The following COMMD7 variants were observed in gnomAD, a reference collection of about 807,000 sequenced individuals.
COMMD7 encodes the protein COMM domain containing 7.
In COMMD7, 28 loss-of-function variants were observed where a neutral mutation model predicts 34.8. That is an observed-to-expected ratio of 0.80 (90% CI 0.60 to 1.10). The LOEUF is 1.10. Ranked by LOEUF, COMMD7 falls within the 50% of genes least tolerant of loss-of-function variation. The pLI, the probability that COMMD7 is intolerant of heterozygous loss-of-function variation, is 0.00. For synonymous variants in COMMD7, 80 were observed against 86.4 expected (o/e 0.93, Z 0.41); for missense variants, 211 against 241.6 (o/e 0.87, Z 0.84).
At chr20:32,729,969 T>G (rs1985746042) in intron 1 of COMMD7, among the ~76,000 whole-genome samples, 1 of 152,052 alleles carries the variant, frequency 6.6e-6, no homozygotes, top group Non-Finnish European at 1.5e-5. Context: ...GCTGTGATCA[T>G]GCCACTGTAC....
intron 3 of COMMD7, among the ~76,000 whole-genome samples, chr20:32,711,134 C>T (rs932255192): frequency 1.4e-4 from 22 of 151,966 alleles, no homozygotes; most frequent in African/African-American, 3.9e-4. Flanking sequence ...TGGTGGCTCA[C>T]GCCCATAATC....
intron 1 of COMMD7, among the ~76,000 whole-genome samples, chr20:32,735,988 T>G (rs1352380591): frequency 6.6e-6 from 1 of 152,326 alleles, no homozygotes; most frequent in East Asian, 1.9e-4. Context: ...CCACATTGCC[T>G]GGGACTGGCC....
chr20:32,705,348 ATG>A (rs1244224259), intron 5 of COMMD7, among the ~76,000 whole-genome samples: 1,504 of 143,594 alleles, frequency 0.01, 26 homozygotes, highest in African/African-American at 0.038. Flanking sequence ...GTATATATAT[ATG>A]TGTGTGTGTA....
intron 1 of COMMD7, among the ~76,000 whole-genome samples, chr20:32,734,097 T>C (rs1601004121): frequency 6.7e-6 from 1 of 148,356 alleles, no homozygotes; most frequent in Non-Finnish European, 1.5e-5. Context: ...AGGAGAATGG[T>C]GTGAACCTGG....
At chr20:32,726,343 G>A (rs1686905940) in intron 3 of COMMD7, among the ~76,000 whole-genome samples, 1 of 152,110 alleles carries the variant, frequency 6.6e-6, no homozygotes, top group African/African-American at 2.4e-5. Context: ...GTTGCAGTGA[G>A]CCAAGATTCT....
chr20:32,727,820 T>G (rs1985602681), intron 3 of COMMD7, 73 bp downstream of exon 3: 1 of 1,265,728 alleles, frequency 7.9e-7, no homozygotes, highest in Non-Finnish European at 1.2e-6. Context: ...GGAGCATGCT[T>G]CAATGACTCC....
Position 32,703,274 on chromosome 20 carries a change from G to T in COMMD7, c.*108C>A. ...ACCTGGGCCCCATGGAGCCAGCAGG[G>T]CCCCATGGAGCATCCCACAGGCCTG... On this transcript the variant is annotated 3_prime_UTR_variant, in exon 9 of 9. Transcript: ENST00000278980. 1 of 966,850 alleles carries T rather than the reference G, an allele frequency of 1.0e-6. No homozygotes were observed. Among genetic ancestry groups the T allele is most frequent in the Non-Finnish European group, 1.6e-6 (1 of 638,548 alleles). The allele number at this position is 966,850 out of a possible 1,614,324, so 59.9% of individuals were successfully genotyped here.
chr20:32,739,414 G>C (rs6141797), intron 1 of COMMD7, among the ~76,000 whole-genome samples: 1 of 152,128 alleles, frequency 6.6e-6, no homozygotes, highest in Non-Finnish European at 1.5e-5. Context: ...GGGAGGCTGA[G>C]GCGGGCGGAT....
Position 32,743,456 on chromosome 20 carries a change from G to GCCGCTGCCA in COMMD7, c.-74_-66dup, listed in dbSNP as rs879748461. 17 of 1,166,328 alleles carry GCCGCTGCCA rather than the reference G, an allele frequency of 1.5e-5. No individual in the cohort carries two copies. The highest frequency in any genetic ancestry group is 1.6e-5 in the Non-Finnish European group (15 of 910,914). 72.2% of individuals were successfully genotyped at this position (1,166,328 alleles called of 1,614,324 possible). ...GCCCTGCTCAGCTTCCTCCTCCGCT[G>GCCGCTGCCA]CCGCTGCCACCGCTGCCGGCCTCTC... On this transcript the variant is annotated 5_prime_UTR_variant, in exon 1 of 9. Coordinates refer to ENST00000278980, the MANE Select transcript of COMMD7 (RefSeq NM_053041.3).
Position 32,719,938 on chromosome 20 carries a change from C to G in COMMD7, c.241+7955G>C, listed in dbSNP as rs555223826. Among the ~76,000 whole-genome samples, 23 of 152,052 alleles carry G rather than the reference C, an allele frequency of 1.5e-4. No homozygotes were observed. In the South Asian group the frequency reaches 4.4e-3, roughly 29 times the overall value. ...AGCAAGACCCTGGCTCAACAAAAGC[C>G]TCAACAAAACAAAGGTTACAGTTGA... On this transcript the variant is annotated intron_variant, in intron 3 of 8. Transcript: ENST00000278980.
Position 32,704,790 on chromosome 20 carries a change from C to T in COMMD7, c.427+24G>A, listed in dbSNP as rs190138730. ...CCCAACCCTGTACCACCCAAATAAC[C>T]CAGGACTGGTTGTAACTAGTTACCT... On this transcript the variant is annotated intron_variant, in intron 6 of 8. Coordinates refer to ENST00000278980, the MANE Select transcript of COMMD7 (RefSeq NM_053041.3). 5.0e-5 allele frequency: 79 copies of T among 1,569,596 alleles called. No individual in the cohort carries two copies. In the East Asian group the frequency reaches 1.4e-3, roughly 28 times the overall value.
intron 1 of COMMD7, among the ~76,000 whole-genome samples, chr20:32,734,997 C>T (rs995533938): frequency 2.0e-5 from 3 of 151,622 alleles, no homozygotes; most frequent in African/African-American, 4.8e-5. Context: ...TAGCACTTTG[C>T]GAGTCTGAGG....
chr20:32,720,668 G>A (rs1455106301), intron 3 of COMMD7, among the ~76,000 whole-genome samples: 3 of 152,058 alleles, frequency 2.0e-5, no homozygotes, highest in Non-Finnish European at 4.4e-5. Context: ...AATTAGCCAG[G>A]TGTGTTGGTG....
Position 32,711,407 on chromosome 20 carries a change from A to AAT in COMMD7, c.242-4648_242-4647insAT, listed in dbSNP as rs1555823176. ...GTGAGACTCTGTCTAAAAAAAAAAA[A>AAT]TGTTACTTAAAAAAAAAAAAAAAAG... On this transcript the variant is annotated intron_variant, in intron 3 of 8. Transcript: ENST00000278980. Among the ~76,000 whole-genome samples, 142 of 145,490 alleles carry AAT rather than the reference A, an allele frequency of 9.8e-4. 1 individual carries two copies. Among genetic ancestry groups the AAT allele is most frequent in the Non-Finnish European group, 1.2e-3 (77 of 66,798 alleles).
At chr20:32,725,104 C>G (rs2145756540) in intron 3 of COMMD7, among the ~76,000 whole-genome samples, 1 of 151,822 alleles carries the variant, frequency 6.6e-6, no homozygotes, top group South Asian at 2.1e-4. Context: ...ATGGGAACAA[C>G]AGAAATATCC....
intron 3 of COMMD7, among the ~76,000 whole-genome samples, chr20:32,717,955 A>G (rs968852920): frequency 2.6e-5 from 4 of 151,316 alleles, no homozygotes; most frequent in African/African-American, 9.7e-5. Flanking sequence ...CTGGCGTGGT[A>G]GTGTGTGCCT....
At chr20:32,705,312 G>GGGTATATATATACATACATATATA (rs1983999907) in intron 5 of COMMD7, among the ~76,000 whole-genome samples, 1 of 149,254 alleles carries the variant, frequency 6.7e-6, no homozygotes, top group Non-Finnish European at 1.5e-5. Flanking sequence ...GCATATATAT[G>GGGTATATATATACATACATATATA]TGTATATATA....
chr20:32,704,293 A>G (rs1983923671), intron 7 of COMMD7, 147 bp downstream of exon 7: 1 of 788,904 alleles, frequency 1.3e-6, no homozygotes, highest in South Asian at 1.9e-5. Flanking sequence ...CATGTTAGTG[A>G]CTACATCTTT....
intron 3 of COMMD7, among the ~76,000 whole-genome samples, chr20:32,708,000 A>G (rs995895071): frequency 2.0e-5 from 3 of 152,216 alleles, no homozygotes; most frequent in Non-Finnish European, 2.9e-5. Context: ...AGAAAGTTCT[A>G]TTGGATGGCA....
Sources: allele counts gnomAD v4.1 joint callset (sites outside exome capture counted in the v4.1 genomes callset), GRCh38; gene constraint gnomAD v4.1.1; transcripts MANE v1.5; gene names NCBI Gene and HGNC (gene_info 2026-07-23, HGNC 2026-07-21).